SYCP1: variants seen among roughly 807,000 people sequenced by gnomAD.
The protein encoded by SYCP1 is synaptonemal complex protein 1.
In SYCP1, 64 loss-of-function variants were observed where a neutral mutation model predicts 153.1. That is an observed-to-expected ratio of 0.42 (90% CI 0.34 to 0.51). SYCP1 has a LOEUF of 0.51. Ranked by LOEUF, SYCP1 falls within the 20% of genes least tolerant of loss-of-function variation. SYCP1 has a pLI of 0.06. For synonymous variants in SYCP1, 384 were observed against 341.8 expected, an observed-to-expected ratio of 1.12 and a Z score of -1.36; for missense variants, 997 against 1,049.0, an observed-to-expected ratio of 0.95 and a Z score of 0.68.
rs186488344 is a variant in SYCP1, at chr1:114,878,809, C to T, written c.910+607C>T. 2.1e-4 allele frequency among the ~76,000 whole-genome samples: 32 copies of T among 152,294 alleles called. 1 individual carries two copies. The East Asian group carries it at 5.6e-3, about 27-fold the overall frequency. ...CCACCCGCCTCAGCCTCCCAAAGTTCTGGGATTACGGGCGTGAGCCACTGC... is the reference window on the plus strand; with the variant it reads ...CCACCCGCCTCAGCCTCCCAAAGTTTTGGGATTACGGGCGTGAGCCACTGC... On this transcript the variant is annotated intron_variant, in intron 12 of 31. Coordinates refer to ENST00000369522, the MANE Select transcript of SYCP1 (RefSeq NM_003176.4).
intron 27 of SYCP1, among the ~76,000 whole-genome samples, chr1:114,955,773 C>G (rs1307280590): frequency 6.6e-6 from 1 of 152,060 alleles, no homozygotes; most frequent in Non-Finnish European, 1.5e-5. Flanking sequence ...CTTGGAGGGT[C>G]ATTTTGAGAG....
intron 6 of SYCP1, 80 bp from the exon 7 acceptor site, chr1:114,859,663 A>G (rs557264435): frequency 1.3e-6 from 1 of 764,760 alleles, no homozygotes; most frequent in South Asian, 2.2e-5. Context: ...ATTAGTAAAG[A>G]AATACTGCTT....
chr1:114,855,675 TA>T (rs1418246648), intron 2 of SYCP1, 103 bp downstream of exon 2: 58 of 924,028 alleles, frequency 6.3e-5, no homozygotes, highest in Non-Finnish European at 8.7e-5. Flanking sequence ...TTCTTCTCAA[TA>T]AATGGTCTCA....
intron 23 of SYCP1, among the ~76,000 whole-genome samples, chr1:114,940,145 G>A (rs1188653263): frequency 6.6e-6 from 1 of 152,090 alleles, no homozygotes; most frequent in Admixed American, 6.6e-5. Context: ...CACCCACGCT[G>A]GAGTGCAGTG....
At chr1:114,953,239 G>A (rs116563056) in intron 27 of SYCP1, among the ~76,000 whole-genome samples, 21 of 152,160 alleles carry the variant, frequency 1.4e-4, no homozygotes, top group Admixed American at 1.4e-3. Flanking sequence ...CAGATATGTG[G>A]TTTGCCAGTG....
intron 23 of SYCP1, among the ~76,000 whole-genome samples, chr1:114,934,754 C>G (rs755451874): frequency 1.3e-5 from 2 of 151,902 alleles, no homozygotes; most frequent in Non-Finnish European, 2.9e-5. Flanking sequence ...CAGGGGTTGC[C>G]ATCCCAGTCT....
chr1:114,957,005 G>T (rs1671482068), intron 27 of SYCP1, among the ~76,000 whole-genome samples: 1 of 152,190 alleles, frequency 6.6e-6, no homozygotes, highest in Non-Finnish European at 1.5e-5. Context: ...ACCCTAAATT[G>T]ATGGAAATGT....
intron 15 of SYCP1, among the ~76,000 whole-genome samples, chr1:114,893,190 GT>G (rs1479091469): frequency 6.6e-6 from 1 of 152,204 alleles, no homozygotes; most frequent in South Asian, 2.1e-4. Context: ...AGCCTTTCTT[GT>G]TTTTAAACTT....
At chr1:114,927,687 C>T (rs754487333) in intron 23 of SYCP1, among the ~76,000 whole-genome samples, 8 of 151,824 alleles carry the variant, frequency 5.3e-5, no homozygotes, top group African/African-American at 7.3e-5. Context: ...GTAGAAATTA[C>T]CCAGTCAGAA....
At chr1:114,968,996 A>G (rs1400706754) in intron 27 of SYCP1, among the ~76,000 whole-genome samples, 1 of 152,164 alleles carries the variant, frequency 6.6e-6, no homozygotes, top group African/African-American at 2.4e-5. Context: ...TTTCCTGGGT[A>G]TCACCAGCGG....
At chr1:114,951,097 T>C (rs897822620) in intron 27 of SYCP1, among the ~76,000 whole-genome samples, 8 of 152,208 alleles carry the variant, frequency 5.3e-5, no homozygotes, top group African/African-American at 1.9e-4. Flanking sequence ...GTGCTGGGAT[T>C]ACAGGCGTGA....
intron 30 of SYCP1, among the ~76,000 whole-genome samples, chr1:114,991,561 C>T (rs796582570): frequency 6.6e-6 from 1 of 151,746 alleles, no homozygotes; most frequent in African/African-American, 2.4e-5. Flanking sequence ...ATAGCCATAT[C>T]ATCATCGTGA....
intron 23 of SYCP1, among the ~76,000 whole-genome samples, chr1:114,939,948 T>G (rs1341018017): frequency 1.3e-5 from 2 of 152,218 alleles, no homozygotes; most frequent in African/African-American, 2.4e-5. Flanking sequence ...TTCATCCAGT[T>G]CATCTACATT....
intron 15 of SYCP1, among the ~76,000 whole-genome samples, chr1:114,892,830 G>T (rs1174098334): frequency 6.6e-6 from 1 of 152,004 alleles, no homozygotes; most frequent in Non-Finnish European, 1.5e-5. Context: ...GGGCTCCAGG[G>T]ATATGGAGAT....
chr1:114,971,364 A>T (rs1451208203), intron 27 of SYCP1, among the ~76,000 whole-genome samples: 1 of 152,016 alleles, frequency 6.6e-6, no homozygotes, highest in African/African-American at 2.4e-5. Flanking sequence ...GATGCTTTGT[A>T]CAGTTCGCCA....
At chr1:114,914,331 A>C (rs1668376620) in intron 20 of SYCP1, among the ~76,000 whole-genome samples, 1 of 151,912 alleles carries the variant, frequency 6.6e-6, no homozygotes, top group Non-Finnish European at 1.5e-5. Context: ...ACATTTAATA[A>C]AATATAGAAA....
At chr1:114,854,433 G>A (rs1432763297), upstream of SYCP1, among the ~76,000 whole-genome samples, 2 of 152,140 alleles carry the variant, frequency 1.3e-5, no homozygotes, top group Non-Finnish European at 2.9e-5. Context: ...CCACCGGCCC[G>A]CCTAGCCAAC....
At chr1:114,920,356 T>C (rs972533878) in intron 20 of SYCP1, among the ~76,000 whole-genome samples, 1 of 152,160 alleles carries the variant, frequency 6.6e-6, no homozygotes, top group African/African-American at 2.4e-5. Flanking sequence ...CTTGATCTGA[T>C]TTCAATTTTT....
At chr1:114,923,777 T>A in intron 21 of SYCP1, 1 of 238,542 alleles carries the variant, frequency 4.2e-6, no homozygotes, top group Non-Finnish European at 7.7e-6. Flanking sequence ...AATGTAGACT[T>A]AACATTTTTT....
Sources: allele counts gnomAD v4.1 joint callset (sites outside exome capture counted in the v4.1 genomes callset), GRCh38; gene constraint gnomAD v4.1.1; transcripts MANE v1.5; gene names NCBI Gene and HGNC (gene_info 2026-07-23, HGNC 2026-07-21).